DCTN4: variants seen among roughly 807,000 people sequenced by gnomAD.
DCTN4 encodes the protein dynactin 4 (p62).
DCTN4 carries 23 observed loss-of-function variants against 62.7 expected under a neutral mutation model. The ratio of observed to expected loss-of-function variants is 0.37; its 90% CI spans 0.26 to 0.52. The LOEUF is 0.52. Among genes scored for constraint, DCTN4 ranks in the 20% least tolerant of loss-of-function variants. The probability of loss-of-function intolerance (pLI) is 0.92; values close to 1 mark genes in which losing one functional copy is unlikely to be tolerated. For synonymous variants in DCTN4, 199 were observed against 202.1 expected (o/e 0.98, Z 0.13); for missense variants, 514 against 580.4 (o/e 0.89, Z 1.18).
In DCTN4 at chr5:150,710,728, T is replaced by C. The variant is rs1393018603; in HGVS notation, c.*421A>G. Reference sequence around the variant, plus strand: ...AAAGCAGTTGGTACATTGTGACCAATGCTGGATCATTAACAGCAGGTCTAC... The same window carrying C: ...AAAGCAGTTGGTACATTGTGACCAACGCTGGATCATTAACAGCAGGTCTAC... On this transcript the variant is annotated 3_prime_UTR_variant, in exon 13 of 13. Transcript: ENST00000447998. 7 of 197,936 alleles carry C rather than the reference T, an allele frequency of 3.5e-5. No individual in the cohort carries two copies. The East Asian group carries it at 7.8e-4, about 22-fold the overall frequency. The allele number at this position is 197,936 out of a possible 1,614,324, so 12.3% of individuals were successfully genotyped here.
At chr5:150,758,816 G>GCCCCCC in intron 1 of DCTN4, 43 bp downstream of exon 1, 1 of 1,591,764 alleles carries the variant, frequency 6.3e-7, no homozygotes, top group Non-Finnish European at 8.6e-7. Context: ...TGAACGCCGC[G>GCCCCCC]CCCCCCCCAC....
At chr5:150,720,550 C>T (rs1389710574) in intron 9 of DCTN4, among the ~76,000 whole-genome samples, 2 of 150,528 alleles carry the variant, frequency 1.3e-5, no homozygotes, top group East Asian at 3.9e-4. Context: ...ACAATCATGA[C>T]TCACTGAAGC....
At chr5:150,722,815 G>A in intron 9 of DCTN4, 92 bp downstream of exon 9, 1 of 851,726 alleles carries the variant, frequency 1.2e-6, no homozygotes. Context: ...TTTTTTTTTA[G>A]GCCAAGAGTA....
chr5:150,731,981 A>AACCT, intron 5 of DCTN4: 3 of 1,305,140 alleles, frequency 2.3e-6, no homozygotes, highest in Non-Finnish European at 3.2e-6. Flanking sequence ...AAACGCATAT[A>AACCT]GCAGGCAGGT....
rs1048975367 is a variant in DCTN4 at position 150,711,035 on chromosome 5, C to T, written c.*114G>A. ...TCCCACTTTCTTAGCAATAGAATTC[C>T]GTAGTGCATGGGTACATCGTTATAA... On this transcript the variant is annotated 3_prime_UTR_variant, in exon 13 of 13. Transcript: ENST00000447998. 8 of 1,006,978 alleles carry T rather than the reference C, an allele frequency of 7.9e-6. No homozygotes were observed. The highest frequency in any genetic ancestry group is 1.0e-5 in the Non-Finnish European group (7 of 677,716). 62.4% of individuals were successfully genotyped at this position (1,006,978 alleles called of 1,614,324 possible). A position where few individuals can be genotyped will look rare whatever the true frequency, so the allele number is the denominator to read the frequency against.
intron 11 of DCTN4, among the ~76,000 whole-genome samples, chr5:150,717,000 A>G (rs1021184379): frequency 2.0e-5 from 3 of 152,106 alleles, no homozygotes; most frequent in Admixed American, 6.5e-5. Flanking sequence ...TGAAATCATT[A>G]AAAAGCAGAA....
intron 11 of DCTN4, among the ~76,000 whole-genome samples, chr5:150,717,619 GA>G (rs1245767655): frequency 6.6e-6 from 1 of 152,140 alleles, no homozygotes; most frequent in Non-Finnish European, 1.5e-5. Context: ...GCTTCTAAAT[GA>G]TTTTAAACGT....
At chr5:150,718,969 C>T (rs979158220) in intron 10 of DCTN4, among the ~76,000 whole-genome samples, 4 of 151,900 alleles carry the variant, frequency 2.6e-5, no homozygotes, top group African/African-American at 9.7e-5. Flanking sequence ...CAGGTGTGCG[C>T]CACCACACCT....
At chr5:150,727,708 G>A (rs552062714) in intron 8 of DCTN4, among the ~76,000 whole-genome samples, 212 of 148,776 alleles carry the variant, frequency 1.4e-3, no homozygotes, top group Non-Finnish European at 2.3e-3. Context: ...CCCGGGAGGC[G>A]GAGCTTGCAG....
At chr5:150,749,197 C>T (rs1752578031) in intron 3 of DCTN4, among the ~76,000 whole-genome samples, 1 of 151,946 alleles carries the variant, frequency 6.6e-6, no homozygotes, top group African/African-American at 2.4e-5. Context: ...TAAATATTTG[C>T]AAAACATATA....
intron 12 of DCTN4, among the ~76,000 whole-genome samples, chr5:150,715,239 T>C (rs1383397218): frequency 1.3e-5 from 2 of 152,172 alleles, no homozygotes; most frequent in Non-Finnish European, 2.9e-5. Flanking sequence ...ATTAAAATCA[T>C]ATAATTAAAA....
At chr5:150,733,090 G>A (rs1760444596) in intron 5 of DCTN4, among the ~76,000 whole-genome samples, 1 of 152,186 alleles carries the variant, frequency 6.6e-6, no homozygotes, top group African/African-American at 2.4e-5. Flanking sequence ...GTGGAACTCT[G>A]CAGTGCCTAC....
chr5:150,711,990 T>G (rs1476016521), intron 12 of DCTN4, among the ~76,000 whole-genome samples: 4 of 152,174 alleles, frequency 2.6e-5, no homozygotes, highest in South Asian at 2.1e-4. Context: ...CAATTATGTG[T>G]TTACCATAAT....
At chr5:150,715,510 T>G in intron 12 of DCTN4, 55 bp downstream of exon 12, 1 of 1,350,174 alleles carries the variant, frequency 7.4e-7, no homozygotes, top group South Asian at 1.2e-5. Flanking sequence ...TGGATATAAG[T>G]GGGCATTCTA....
intron 3 of DCTN4, among the ~76,000 whole-genome samples, chr5:150,752,484 AC>A (rs1380845125): frequency 6.6e-6 from 1 of 152,196 alleles, no homozygotes; most frequent in Non-Finnish European, 1.5e-5. Context: ...ACATTGAATT[AC>A]TGGGCAGAAG....
At chr5:150,729,976 T>C (rs573455915) in intron 8 of DCTN4, among the ~76,000 whole-genome samples, 1 of 152,296 alleles carries the variant, frequency 6.6e-6, no homozygotes, top group South Asian at 2.1e-4. Flanking sequence ...AAGTCTCTTC[T>C]AATCTAGAGA....
At chr5:150,755,501 G>A (rs1190554594) in intron 2 of DCTN4, 1 of 456,242 alleles carries the variant, frequency 2.2e-6, no homozygotes, top group South Asian at 1.5e-5. Context: ...ATTTACCCTT[G>A]ATATGATGTA....
At chr5:150,745,873 T>C (rs1407852436) in intron 3 of DCTN4, among the ~76,000 whole-genome samples, 1 of 151,356 alleles carries the variant, frequency 6.6e-6, no homozygotes, top group South Asian at 2.1e-4. Flanking sequence ...AACATCACAA[T>C]TAAAAGAACT....
intron 11 of DCTN4, 152 bp from the exon 12 acceptor site, chr5:150,715,814 G>A (rs1759738014): frequency 1.6e-6 from 1 of 631,348 alleles, no homozygotes; most frequent in East Asian, 2.8e-5. Context: ...AAGGTTTTAA[G>A]AGAAAGCTAA....
Sources: allele counts gnomAD v4.1 joint callset (sites outside exome capture counted in the v4.1 genomes callset), GRCh38; gene constraint gnomAD v4.1.1; transcripts MANE v1.5; gene names NCBI Gene and HGNC (gene_info 2026-07-23, HGNC 2026-07-21).